The following WWP1 variants were observed in gnomAD, a reference collection of about 807,000 sequenced individuals.
WWP1 encodes NEDD4-like E3 ubiquitin-protein ligase WWP1.
A neutral mutation model predicts 130.6 loss-of-function variants in WWP1; 49 were observed. That is an observed-to-expected ratio of 0.38 (90% CI 0.30 to 0.48). WWP1 has a LOEUF of 0.48. WWP1 is among the 20% of genes least tolerant of loss of function. The pLI is 0.99. For missense variants in WWP1, 809 were observed against 1,100.6 expected (o/e 0.74, Z 3.75); for synonymous variants, 332 against 367.8 (o/e 0.90, Z 1.11).
chr8:86,358,079 G>A (rs1823360868), intron 1 of WWP1, among the ~76,000 whole-genome samples: 1 of 152,146 alleles, frequency 6.6e-6, no homozygotes. Context: ...ATTAAGGTCG[G>A]GGAGTATCCA....
intron 3 of WWP1, among the ~76,000 whole-genome samples, chr8:86,380,441 G>C (rs1216405833): frequency 2.0e-5 from 3 of 152,142 alleles, no homozygotes; most frequent in African/African-American, 7.2e-5. Context: ...TTTTAAAATT[G>C]ATTGTGGTGA....
intron 1 of WWP1, among the ~76,000 whole-genome samples, chr8:86,356,755 T>C (rs1489980684): frequency 2.0e-5 from 3 of 152,224 alleles, no homozygotes; most frequent in South Asian, 2.1e-4. Context: ...GTAACTGATA[T>C]CCTTTCCTGC....
chr8:86,365,160 C>G (rs556937356), intron 1 of WWP1, among the ~76,000 whole-genome samples: 53 of 152,292 alleles, frequency 3.5e-4, no homozygotes, highest in African/African-American at 1.2e-3. Flanking sequence ...TTAACTCCCT[C>G]TGGTTGAAAA....
chr8:86,354,553 T>G (rs951355335), intron 1 of WWP1, among the ~76,000 whole-genome samples: 5 of 152,206 alleles, frequency 3.3e-5, no homozygotes, highest in African/African-American at 1.2e-4. Context: ...AGTTTATCCT[T>G]TATGGCATGC....
chr8:86,449,640 T>G (rs528244006), intron 20 of WWP1, among the ~76,000 whole-genome samples: 1 of 152,368 alleles, frequency 6.6e-6, no homozygotes, highest in Non-Finnish European at 1.5e-5. Flanking sequence ...CATCTTAAAA[T>G]GTAATGGGCC....
Position 86,431,639 on chromosome 8 carries a change from A to G in WWP1, c.1497A>G (p.Pro499=). The G allele has an allele frequency of 6.2e-7, 1 of 1,613,974 alleles. No individual in the cohort carries two copies. The highest frequency in any genetic ancestry group is 8.5e-7 in the Non-Finnish European group (1 of 1,179,928). Residue 499 remains proline, a synonymous_variant, in exon 14 of 25, where the codon CCA becomes CCG. Transcript: ENST00000517970. ...TQGLQNEEPL[P]EGWEIRYTRE... ...GCTTACAGAATGAAGAACCCCTGCC[A>G]GAAGGCTGGGAAATTAGATATACTC... is the stretch of plus-strand genomic sequence containing the variant.
chr8:86,386,162 T>C (rs1158118180), intron 5 of WWP1, among the ~76,000 whole-genome samples: 1 of 152,250 alleles, frequency 6.6e-6, no homozygotes, highest in East Asian at 1.9e-4. Flanking sequence ...TCTCCTGTAC[T>C]GAAAGCAACT....
intron 11 of WWP1, 28 bp downstream of exon 11, chr8:86,427,845 A>G (rs1354522182): frequency 6.3e-7 from 1 of 1,576,938 alleles, no homozygotes; most frequent in Non-Finnish European, 8.6e-7. Context: ...AGATGTTAAC[A>G]TAACTTCCTC....
At position 86,431,642 on chromosome 8, in the gene WWP1, A is replaced by G. The variant is rs766473870; in HGVS notation, c.1500A>G (p.Glu500=). The G allele has an allele frequency of 6.2e-7, 1 of 1,613,962 alleles. No individual in the cohort carries two copies. Among genetic ancestry groups the G allele is most frequent in the Non-Finnish European group, 8.5e-7 (1 of 1,179,934 alleles). ...TACAGAATGAAGAACCCCTGCCAGA[A>G]GGCTGGGAAATTAGATATACTCGTG... is the stretch of plus-strand genomic sequence containing the variant. ...QGLQNEEPLP[E]GWEIRYTREG... Residue 500 remains glutamate (E), a synonymous_variant, in exon 14 of 25, where the codon GAA becomes GAG. Coordinates refer to ENST00000517970, the MANE Select transcript of WWP1 (RefSeq NM_007013.4).
At chr8:86,363,811 A>T (rs1012738543) in intron 1 of WWP1, among the ~76,000 whole-genome samples, 1 of 151,864 alleles carries the variant, frequency 6.6e-6, no homozygotes, top group Non-Finnish European at 1.5e-5. Context: ...AAAAAAAAAA[A>T]AAAGAAATTT....
intron 21 of WWP1, among the ~76,000 whole-genome samples, chr8:86,453,069 A>G (rs1017046912): frequency 1.8e-4 from 28 of 152,318 alleles, no homozygotes; most frequent in African/African-American, 6.7e-4. Flanking sequence ...GATAAAATAT[A>G]TCTTAAAATA....
chr8:86,367,328 C>T (rs1211138636), intron 1 of WWP1, among the ~76,000 whole-genome samples: 1 of 152,184 alleles, frequency 6.6e-6, no homozygotes, highest in Non-Finnish European at 1.5e-5. Flanking sequence ...TTTGACTTTT[C>T]AAAGTCTTAA....
chr8:86,351,803 A>G (rs1207388589), intron 1 of WWP1, among the ~76,000 whole-genome samples: 2 of 152,166 alleles, frequency 1.3e-5, no homozygotes, highest in African/African-American at 4.8e-5. Flanking sequence ...TCAAAGCGCA[A>G]TCCTTATATA....
intron 9 of WWP1, among the ~76,000 whole-genome samples, chr8:86,423,369 C>T (rs924335821): frequency 2.6e-5 from 4 of 151,968 alleles, no homozygotes; most frequent in East Asian, 3.9e-4. Context: ...GAGGACCCTG[C>T]GGCCTTCCAC....
At chr8:86,359,535 A>G (rs1003712999) in intron 1 of WWP1, among the ~76,000 whole-genome samples, 1 of 152,044 alleles carries the variant, frequency 6.6e-6, no homozygotes, top group Non-Finnish European at 1.5e-5. Flanking sequence ...CTTCACCGAG[A>G]AAATTGGAGA....
rs538594793 is a variant in WWP1, at chr8:86,401,880, T to C, written c.540-139T>C. The stretch of plus-strand genomic sequence containing the variant: ...CTTGAAACATAAAAACTCAATTGTT[T>C]GGAAATAGAATCTAAAAAATTTTAA... On this transcript the variant is annotated intron_variant, in intron 7 of 24. Coordinates refer to ENST00000517970, the MANE Select transcript of WWP1 (RefSeq NM_007013.4). 5 of 819,168 alleles carry C rather than the reference T, an allele frequency of 6.1e-6. No individual in the cohort carries two copies. In the African/African-American group the frequency reaches 7.2e-5, roughly 12 times the overall value. 50.7% of individuals were successfully genotyped at this position (819,168 alleles called of 1,614,324 possible).
At chr8:86,461,520 G>C (rs768990169) in intron 23 of WWP1, 200 bp downstream of exon 23, 150 of 627,724 alleles carry the variant, frequency 2.4e-4, no homozygotes, top group Non-Finnish European at 3.6e-4. Context: ...TAGCTGAGGT[G>C]GCCATTGCTT....
At chr8:86,362,572 C>T (rs1303083994) in intron 1 of WWP1, among the ~76,000 whole-genome samples, 1 of 152,026 alleles carries the variant, frequency 6.6e-6, no homozygotes, top group Admixed American at 6.6e-5. Context: ...GAATTTTTTT[C>T]TCCCTTTTTC....
chr8:86,363,628 C>A (rs971548039), intron 1 of WWP1, among the ~76,000 whole-genome samples: 3 of 151,716 alleles, frequency 2.0e-5, no homozygotes, highest in Non-Finnish European at 4.4e-5. Context: ...ATGGTGAAAC[C>A]CCGTCTCTAC....
Sources: allele counts gnomAD v4.1 joint callset (sites outside exome capture counted in the v4.1 genomes callset), GRCh38; gene constraint gnomAD v4.1.1; transcripts MANE v1.5; gene names NCBI Gene and HGNC (gene_info 2026-07-23, HGNC 2026-07-21).